ZNF611: variants seen among roughly 807,000 people sequenced by gnomAD.
ZNF611 encodes zinc finger protein 611.
ZNF611 carries 6 observed loss-of-function variants against 8.9 expected under a neutral mutation model. That is an observed-to-expected ratio of 0.68 (90% CI 0.37 to 1.34). The LOEUF is 1.34. Among genes scored for constraint, ZNF611 ranks in the 40% most tolerant of loss-of-function variants. The pLI, the probability that ZNF611 is intolerant of heterozygous loss-of-function variation, is 0.02. For missense variants in ZNF611, 874 were observed against 841.3 expected, an observed-to-expected ratio of 1.04 and a Z score of -0.48; for synonymous variants, 262 against 279.7, an observed-to-expected ratio of 0.94 and a Z score of 0.63.
chr19:52,706,218 T>A lies in ZNF611; in HGVS notation c.837A>T (p.Arg279Ser). 1.2e-6 allele frequency: 2 copies of A among 1,614,188 alleles called. No individual in the cohort carries two copies. The highest frequency in any genetic ancestry group is 1.7e-6 in the Non-Finnish European group (2 of 1,180,016). The stretch of plus-strand genomic sequence containing the variant: ...TGTAAGGTTTCTCAACAGTGTGACA[T>A]CTATCATGGCATGCAAGGTATTGCT... The part of the protein sequence containing the change: ...NHEQYLACHD[R>S]CHTVEKPYKC... The change falls in exon 6 of 6, where the codon AGA becomes AGT. Residue 279 changes from arginine to serine, a missense_variant. Arg to Ser is a moderately radical substitution (Grantham distance 110). Coordinates refer to ENST00000652185, the MANE Select transcript of ZNF611 (RefSeq NM_001161499.2).
At position 52,705,754 on chromosome 19, in the gene ZNF611, G is replaced by T. The variant is rs1454204305; in HGVS notation, c.1301C>A (p.Thr434Asn). Residue 434 changes from threonine to asparagine, a missense_variant, in exon 6 of 6, where the codon ACC (threonine) becomes AAC (asparagine). Coordinates refer to ENST00000652185, the MANE Select transcript of ZNF611 (RefSeq NM_001161499.2). ...KTYKCNECGK[T>N]FSHKSSLVCH... ...TACAAGGGATGACTTGTGACTGAAG[G>T]TCTTGCCACACTCATTACATTTATA... is the stretch of plus-strand genomic sequence containing the variant. The T allele has an allele frequency of 6.2e-7, 1 of 1,613,874 alleles. No homozygotes were observed. Among genetic ancestry groups the T allele is most frequent in the African/African-American group, 1.3e-5 (1 of 74,872 alleles).
chr19:52,705,688 C>A lies in ZNF611; in HGVS notation c.1367G>T (p.Cys456Phe). 3 of 1,613,978 alleles carry A rather than the reference C, an allele frequency of 1.9e-6. No homozygotes were observed. The highest frequency in any genetic ancestry group is 2.5e-6 in the Non-Finnish European group (3 of 1,179,892). The change falls in exon 6 of 6, where the codon TGT becomes TTT. Residue 456 changes from cysteine (C) to phenylalanine (F), a missense_variant. By Grantham distance (205) the Cys-to-Phe change is radical. Coordinates refer to ENST00000652185, the MANE Select transcript of ZNF611 (RefSeq NM_001161499.2). Reference sequence around the variant, plus strand: ...CACAAAAGCCTTGTCACAAACCTTACATTTGTAAGATTTCTCTCCACCATG... The same window carrying A: ...CACAAAAGCCTTGTCACAAACCTTAAATTTGTAAGATTTCTCTCCACCATG... ...RLHGGEKSYK[C>F]KVCDKAFVWS...
Position 52,714,132 on chromosome 19 carries a change from T to C in ZNF611, c.73A>G (p.Thr25Ala). The change falls in exon 5 of 6, where the codon ACT becomes GCT. Residue 25 changes from threonine to alanine, a missense_variant. Coordinates refer to ENST00000652185, the MANE Select transcript of ZNF611 (RefSeq NM_001161499.2). ...AATTCTATAGCCACATCCCGGAAAGTCAAGCGTCCCTAAAATGAAACACAC... is the reference window on the plus strand; with the variant it reads ...AATTCTATAGCCACATCCCGGAAAGCCAAGCGTCCCTAAAATGAAACACAC... ...PGMALPQGRL[T>A]FRDVAIEFSL... The C allele has an allele frequency of 6.2e-7, 1 of 1,613,178 alleles. No homozygotes were observed. Among genetic ancestry groups the C allele is most frequent in the Non-Finnish European group, 8.5e-7 (1 of 1,179,836 alleles).
At chr19:52,723,134 T>C (rs543454809) in intron 3 of ZNF611, among the ~76,000 whole-genome samples, 30 of 151,950 alleles carry the variant, frequency 2.0e-4, no homozygotes, top group Non-Finnish European at 2.8e-4. Context: ...TTTTCTTTTC[T>C]TTTTCCCTGG....
Position 52,706,040 on chromosome 19 carries a change from C to T in ZNF611, c.1015G>A (p.Gly339Arg), listed in dbSNP as rs773834893. 5 of 1,614,102 alleles carry T rather than the reference C, an allele frequency of 3.1e-6. No homozygotes were observed. In the East Asian group the frequency reaches 6.7e-5, roughly 22 times the overall value. ...ALLIDKAIDT[G>R]ENPYKCNECD... ...TCATTACACTTGTAAGGATTTTCTCCAGTATCAATTGCCTTATCAATTAGA... is the reference window on the plus strand; with the variant it reads ...TCATTACACTTGTAAGGATTTTCTCTAGTATCAATTGCCTTATCAATTAGA... The change falls in exon 6 of 6, where the codon GGA (glycine) becomes AGA (arginine). Residue 339 changes from glycine (G) to arginine (R), a missense_variant. Coordinates refer to ENST00000652185, the MANE Select transcript of ZNF611 (RefSeq NM_001161499.2).
chr19:52,726,650 C>T (rs980808305), intron 3 of ZNF611, among the ~76,000 whole-genome samples: 3 of 151,304 alleles, frequency 2.0e-5, no homozygotes, highest in African/African-American at 7.3e-5. Flanking sequence ...GATCTCCTGA[C>T]CCCGTGATCC....
chr19:52,726,113 A>G (rs956502264), intron 3 of ZNF611, among the ~76,000 whole-genome samples: 1 of 152,144 alleles, frequency 6.6e-6, no homozygotes, highest in African/African-American at 2.4e-5. Flanking sequence ...CTCCCTTTCT[A>G]TTCTCCATTC....
At chr19:52,724,027 T>C (rs2112930) in intron 3 of ZNF611, 106,490 of 152,270 alleles carry the variant, frequency 0.7, 38,354 homozygotes, top group African/African-American at 0.88. Flanking sequence ...TACACCAAGA[T>C]ATTCCATTCC....
intron 3 of ZNF611, among the ~76,000 whole-genome samples, chr19:52,721,625 G>A (rs144034245): frequency 1.5e-3 from 234 of 152,104 alleles, no homozygotes; most frequent in African/African-American, 5.3e-3. Context: ...CCCAGATCAC[G>A]GCAGTACTGT....
rs2062223141 is a variant in ZNF611, at chr19:52,704,074, C to T, written c.*863G>A. 4.2e-6 allele frequency: 1 copy of T among 240,540 alleles called. No homozygotes were observed. Among genetic ancestry groups the T allele is most frequent in the African/African-American group, 2.3e-5 (1 of 43,154 alleles). The allele number at this position is 240,540 out of a possible 1,614,324, so 14.9% of individuals were successfully genotyped here. A position where few individuals can be genotyped will look rare whatever the true frequency, so the allele number is the denominator to read the frequency against. ...GTTTCAAACTCCTGACCTCAAGTGA[C>T]CTATGTGCCTTGGCCTCCCGACGTG... On this transcript the variant is annotated 3_prime_UTR_variant, in exon 6 of 6. Transcript: ENST00000652185.
At chr19:52,714,523 C>A (rs1001682937) in intron 4 of ZNF611, among the ~76,000 whole-genome samples, 39 of 150,832 alleles carry the variant, frequency 2.6e-4, no homozygotes, top group Non-Finnish European at 4.4e-4. Flanking sequence ...AACTGTCTCT[C>A]CTAAAAATAT....
rs572653795 is a variant in ZNF611 at position 52,711,689 on chromosome 19, G to A, written c.190+2326C>T. 6.6e-3 allele frequency among the ~76,000 whole-genome samples: 1,010 copies of A among 152,206 alleles called. 4 individuals carry two copies. Among genetic ancestry groups the A allele is most frequent in the African/African-American group, 0.021 (866 of 41,482 alleles). ...CATGGATCATGTGCTGAGTCATGAT[G>A]TCCTGCACACACTGATTTAAGCGGC... On this transcript the variant is annotated intron_variant, in intron 5 of 5. Coordinates refer to ENST00000652185, the MANE Select transcript of ZNF611 (RefSeq NM_001161499.2).
At chr19:52,708,629 A>G (rs1185704465) in intron 5 of ZNF611, 1 of 152,260 alleles carries the variant, frequency 6.6e-6, no homozygotes, top group Non-Finnish European at 1.5e-5. Flanking sequence ...TGAGGTCAGG[A>G]GTTCAAGAAC....
chr19:52,706,027 T>C lies in ZNF611; in HGVS notation c.1028A>G (p.Tyr343Cys), dbSNP rs747002319. 2.5e-6 allele frequency: 4 copies of C among 1,614,072 alleles called. No individual in the cohort carries two copies. The highest frequency in any genetic ancestry group is 3.4e-6 in the Non-Finnish European group (4 of 1,180,038). Residue 343 changes from tyrosine (Y) to cysteine (C), a missense_variant, in exon 6 of 6, where the codon TAC (tyrosine) becomes TGC (cysteine). By Grantham distance (194) the Tyr-to-Cys change is radical. Coordinates refer to ENST00000652185, the MANE Select transcript of ZNF611 (RefSeq NM_001161499.2). ...AGCCTTGTCACATTCATTACACTTG[T>C]AAGGATTTTCTCCAGTATCAATTGC... ...DKAIDTGENP[Y>C]KCNECDKAFN...
chr19:52,717,945 T>G (rs1477814123), intron 3 of ZNF611, among the ~76,000 whole-genome samples: 2 of 152,198 alleles, frequency 1.3e-5, no homozygotes, highest in Non-Finnish European at 2.9e-5. Context: ...CAGACCTCAA[T>G]GTAAACTGAA....
intron 5 of ZNF611, chr19:52,708,488 A>T (rs759433060): frequency 6.6e-6 from 1 of 152,000 alleles, no homozygotes; most frequent in Non-Finnish European, 1.5e-5. Context: ...ACAGAGCGAG[A>T]CTCTGTCTCA....
chr19:52,721,228 C>T lies in ZNF611; in HGVS notation c.-19-5315G>A, dbSNP rs186228502. Reference sequence around the variant, plus strand: ...AGCCGGGCAGAGAGGCTCCTCACATCTCAGACAATGGGTGGCCAGGCAGAG... The same window carrying T: ...AGCCGGGCAGAGAGGCTCCTCACATTTCAGACAATGGGTGGCCAGGCAGAG... On this transcript the variant is annotated intron_variant, in intron 3 of 5. Coordinates refer to ENST00000652185, the MANE Select transcript of ZNF611 (RefSeq NM_001161499.2). 429 of 159,150 alleles carry T rather than the reference C, an allele frequency of 2.7e-3. 2 individuals are homozygous for T. The highest frequency in any genetic ancestry group is 9.8e-3 in the African/African-American group (406 of 41,326). 9.9% of individuals were successfully genotyped at this position (159,150 alleles called of 1,614,324 possible). A position where few individuals can be genotyped will look rare whatever the true frequency, so the allele number is the denominator to read the frequency against.
Position 52,706,697 on chromosome 19 carries a change from C to T in ZNF611, c.358G>A (p.Asp120Asn). ...IHDIEFQCQE[D>N]ERNGLEAPMT... ...GGTGCTTCAAGGCCATTTCTTTCAT[C>T]TTCTTGACACTGAAACTCAATGTCA... The change falls in exon 6 of 6, where the codon GAT becomes AAT. Residue 120 changes from aspartate (D) to asparagine (N), a missense_variant. By Grantham distance (23) the Asp-to-Asn change is conservative. Transcript: ENST00000652185. 6.2e-7 allele frequency: 1 copy of T among 1,614,060 alleles called. No individual in the cohort carries two copies. Among genetic ancestry groups the T allele is most frequent in the Non-Finnish European group, 8.5e-7 (1 of 1,180,010 alleles).
chr19:52,712,455 C>CT (rs2062286369), intron 5 of ZNF611, among the ~76,000 whole-genome samples: 1 of 34,704 alleles, frequency 2.9e-5, no homozygotes, highest in Non-Finnish European at 4.8e-5. Flanking sequence ...ACTGTCTCTA[C>CT]TAAAAAAAAA....
Sources: allele counts gnomAD v4.1 joint callset (sites outside exome capture counted in the v4.1 genomes callset), GRCh38; gene constraint gnomAD v4.1.1; transcripts MANE v1.5; gene names NCBI Gene and HGNC (gene_info 2026-07-23, HGNC 2026-07-21).